NSMCE2: variants seen among roughly 807,000 people sequenced by gnomAD.
NSMCE2 encodes NSE2 SUMO ligase component of SMC5/6 complex.
Under a neutral mutation model 23.8 loss-of-function variants are expected in NSMCE2, and 24 were observed. The ratio of observed to expected loss-of-function variants is 1.01; its 90% CI spans 0.73 to 1.42. NSMCE2 has a LOEUF of 1.42. Among genes scored for constraint, NSMCE2 ranks in the 40% most tolerant of loss-of-function variants. NSMCE2 has a pLI of 0.00. For synonymous variants in NSMCE2, 92 were observed against 94.1 expected (o/e 0.98, Z 0.13); for missense variants, 284 against 296.5 (o/e 0.96, Z 0.31).
At chr8:125,153,371 T>C (rs1156873555) in intron 4 of NSMCE2, among the ~76,000 whole-genome samples, 2 of 152,240 alleles carry the variant, frequency 1.3e-5, no homozygotes, top group African/African-American at 4.8e-5. Context: ...TACAAAGGTA[T>C]GCTTTCTATG....
chr8:125,341,373 T>G (rs1478197900), intron 5 of NSMCE2, among the ~76,000 whole-genome samples: 2 of 152,212 alleles, frequency 1.3e-5, no homozygotes, highest in Admixed American at 6.5e-5. Flanking sequence ...AGTCTTTTTC[T>G]TCTCTCTTTT....
intron 5 of NSMCE2, among the ~76,000 whole-genome samples, chr8:125,342,119 C>T (rs879020578): frequency 6.6e-6 from 1 of 152,098 alleles, no homozygotes; most frequent in Non-Finnish European, 1.5e-5. Context: ...GACTGCTTCT[C>T]AGCACTCTAT....
chr8:125,319,639 A>G (rs1829345569), intron 5 of NSMCE2, among the ~76,000 whole-genome samples: 1 of 152,166 alleles, frequency 6.6e-6, no homozygotes, highest in Non-Finnish European at 1.5e-5. Context: ...GGATGGGATT[A>G]ATGGCAGCTT....
chr8:125,114,095 C>T (rs934299448), intron 3 of NSMCE2, among the ~76,000 whole-genome samples: 6 of 152,130 alleles, frequency 3.9e-5, no homozygotes, highest in African/African-American at 7.2e-5. Flanking sequence ...ATATTTTGCC[C>T]GGTATGTCTA....
intron 5 of NSMCE2, among the ~76,000 whole-genome samples, chr8:125,260,233 G>A (rs1205910469): frequency 2.0e-5 from 3 of 152,146 alleles, no homozygotes; most frequent in African/African-American, 7.2e-5. Context: ...GCCCCGGAAT[G>A]TGACTACCTG....
intron 5 of NSMCE2, among the ~76,000 whole-genome samples, chr8:125,251,813 G>A (rs1826207796): frequency 6.6e-6 from 1 of 152,174 alleles, no homozygotes; most frequent in African/African-American, 2.4e-5. Flanking sequence ...AGGTCTTACA[G>A]GAGCTAAATG....
intron 5 of NSMCE2, among the ~76,000 whole-genome samples, chr8:125,223,891 T>C (rs1824982744): frequency 6.7e-6 from 1 of 149,554 alleles, no homozygotes; most frequent in Non-Finnish European, 1.5e-5. Context: ...AGCTCCACTA[T>C]GCAGCCTTGA....
chr8:125,334,605 G>A (rs942129608), intron 5 of NSMCE2, among the ~76,000 whole-genome samples: 2 of 151,970 alleles, frequency 1.3e-5, no homozygotes, highest in Non-Finnish European at 2.9e-5. Flanking sequence ...TCACGGGTTG[G>A]AATGTAGCAA....
At chr8:125,322,546 A>T (rs967040749) in intron 5 of NSMCE2, among the ~76,000 whole-genome samples, 3 of 152,254 alleles carry the variant, frequency 2.0e-5, no homozygotes, top group Admixed American at 6.5e-5. Flanking sequence ...CTGAAAGCAT[A>T]TCCCCTAAGG....
intron 4 of NSMCE2, among the ~76,000 whole-genome samples, chr8:125,172,041 A>C (rs1031723407): frequency 6.6e-6 from 1 of 152,194 alleles, no homozygotes; most frequent in African/African-American, 2.4e-5. Context: ...ACATTAATTC[A>C]TTTAATACTC....
chr8:125,236,012 A>G (rs1467786796), intron 5 of NSMCE2, among the ~76,000 whole-genome samples: 1 of 152,238 alleles, frequency 6.6e-6, no homozygotes, highest in African/African-American at 2.4e-5. Context: ...TATTTGAACA[A>G]TCTTCTTGCT....
At chr8:125,337,340 C>T (rs1310609103) in intron 5 of NSMCE2, among the ~76,000 whole-genome samples, 1 of 152,152 alleles carries the variant, frequency 6.6e-6, no homozygotes, top group Non-Finnish European at 1.5e-5. Flanking sequence ...TCCATTGACT[C>T]TTATAAAATA....
rs527650827 is a variant in NSMCE2 at position 125,116,608 on chromosome 8, CTG to C, written c.157+14125_157+14126del. On this transcript the variant is annotated intron_variant, in intron 3 of 7. Coordinates refer to ENST00000287437, the MANE Select transcript of NSMCE2 (RefSeq NM_173685.4). ...CGTATATGTGCACACATGGGAGTGTCTGTGTTTTGAAAGGACAAAATAAAAAC... is the reference window on the plus strand; with the variant it reads ...CGTATATGTGCACACATGGGAGTGTCTGTTTTGAAAGGACAAAATAAAAAC... Among the ~76,000 whole-genome samples the C allele has an allele frequency of 1.8e-4, 28 of 152,154 alleles. No homozygotes were observed. In the South Asian group the frequency reaches 2.3e-3, roughly 12 times the overall value.
At chr8:125,134,314 T>A (rs931722213) in intron 3 of NSMCE2, among the ~76,000 whole-genome samples, 43 of 152,210 alleles carry the variant, frequency 2.8e-4, no homozygotes, top group Non-Finnish European at 2.9e-5. Flanking sequence ...TGTACTTTTT[T>A]AGTAATAGAG....
rs112613707 is a variant in NSMCE2, at chr8:125,266,256, T to C, written c.418+84000T>C. Among the ~76,000 whole-genome samples, 358 of 152,312 alleles carry C rather than the reference T, an allele frequency of 2.4e-3. 1 individual carries two copies. The highest frequency in any genetic ancestry group is 8.1e-3 in the African/African-American group (338 of 41,580). On this transcript the variant is annotated intron_variant, in intron 5 of 7. Coordinates refer to ENST00000287437, the MANE Select transcript of NSMCE2 (RefSeq NM_173685.4). ...ACAGGCATGTGCCACCACGCCCGGC[T>C]AATTTTGTGTTTTTAGTAGAGATGG...
chr8:125,356,477 T>C (rs1420646717), intron 5 of NSMCE2, among the ~76,000 whole-genome samples: 1 of 151,922 alleles, frequency 6.6e-6, no homozygotes, highest in Non-Finnish European at 1.5e-5. Context: ...TACAGGCACA[T>C]GCCACCATGC....
At chr8:125,342,458 T>C (rs913414482) in intron 5 of NSMCE2, among the ~76,000 whole-genome samples, 4 of 152,080 alleles carry the variant, frequency 2.6e-5, no homozygotes, top group Non-Finnish European at 5.9e-5. Flanking sequence ...GTGTCTTCCT[T>C]TGCATGTGGG....
At chr8:125,273,685 T>C (rs1376992576) in intron 5 of NSMCE2, among the ~76,000 whole-genome samples, 5 of 152,236 alleles carry the variant, frequency 3.3e-5, no homozygotes, top group African/African-American at 4.8e-5. Context: ...TTCACTGGAT[T>C]ATCATCTGAA....
At chr8:125,326,388 G>T (rs62521000) in intron 5 of NSMCE2, among the ~76,000 whole-genome samples, 1 of 151,928 alleles carries the variant, frequency 6.6e-6, no homozygotes, top group Admixed American at 6.6e-5. Context: ...GTAAAAATAG[G>T]CATTATATAT....
Sources: allele counts gnomAD v4.1 joint callset (sites outside exome capture counted in the v4.1 genomes callset), GRCh38; gene constraint gnomAD v4.1.1; transcripts MANE v1.5; gene names NCBI Gene and HGNC (gene_info 2026-07-23, HGNC 2026-07-21).